MPPED1: variants seen among roughly 807,000 people sequenced by gnomAD.
MPPED1 encodes the protein metallophosphoesterase domain-containing protein 1.
In MPPED1, 16 loss-of-function variants were observed where a neutral mutation model predicts 36.2. The observed-to-expected ratio is 0.44, with a 90% CI of 0.30 to 0.67. The LOEUF is 0.67. MPPED1 is among the 30% of genes least tolerant of loss of function. The pLI is 0.10. For synonymous variants in MPPED1, 199 were observed against 191.3 expected, an observed-to-expected ratio of 1.04 and a Z score of -0.33; for missense variants, 307 against 453.4, an observed-to-expected ratio of 0.68 and a Z score of 2.93.
chr22:43,457,890 G>A (rs762635209), intron 3 of MPPED1, among the ~76,000 whole-genome samples: 1 of 152,196 alleles, frequency 6.6e-6, no homozygotes, highest in Non-Finnish European at 1.5e-5. Context: ...CTACAGTCAT[G>A]TGCTGTGTAA....
chr22:43,436,047 C>A (rs192679826), intron 3 of MPPED1, among the ~76,000 whole-genome samples: 29 of 152,324 alleles, frequency 1.9e-4, no homozygotes, highest in African/African-American at 6.7e-4. Flanking sequence ...AGCCCTTTCC[C>A]ATGCACTGCG....
rs1931047987 is a variant in MPPED1 at position 43,463,817 on chromosome 22, T to TTCTTTTTTTCTTTCTTTC, written c.407-10914_407-10913insTTTTCTTTCTTTCTCTTT. Among the ~76,000 whole-genome samples the TTCTTTTTTTCTTTCTTTC allele has an allele frequency of 7.7e-5, 6 of 77,870 alleles. No homozygotes were observed. In the Admixed American group the frequency reaches 8.0e-4, roughly 10 times the overall value. The allele number at this position is 77,870 out of a possible 152,430, so 51.1% of individuals were successfully genotyped here. ...ATTTTTCATTTTTTCTTTTCTTTCTTTCTTTCTTTCTTTCTTTCTTTCTTT... is the reference window on the plus strand; with the variant it reads ...ATTTTTCATTTTTTCTTTTCTTTCTTTCTTTTTTTCTTTCTTTCTCTTTCTTTCTTTCTTTCTTTCTTT... On this transcript the variant is annotated intron_variant, in intron 3 of 6. Transcript: ENST00000443721.
intron 3 of MPPED1, among the ~76,000 whole-genome samples, chr22:43,470,538 T>C (rs1191418184): frequency 6.6e-6 from 1 of 152,152 alleles, no homozygotes; most frequent in African/African-American, 2.4e-5. Context: ...TGCATCCATC[T>C]ATCCATGTGT....
rs148693592 is a variant in MPPED1 at position 43,439,989 on chromosome 22, C to T, written c.406+4774C>T. Among the ~76,000 whole-genome samples the T allele has an allele frequency of 9.0e-3, 1,375 of 152,368 alleles. 45 individuals are homozygous for T. In the South Asian group the frequency reaches 0.097, roughly 11 times the overall value. ...TGGTCTAGGCTCTGCTGGTGGCTCT[C>T]GCCTTGCGGCGGGGGCGTGTCTCCT... On this transcript the variant is annotated intron_variant, in intron 3 of 6. Coordinates refer to ENST00000443721, the MANE Select transcript of MPPED1 (RefSeq NM_001044370.2).
intron 4 of MPPED1, among the ~76,000 whole-genome samples, chr22:43,492,473 A>G (rs141389097): frequency 0.69 from 104,958 of 152,094 alleles, 37,548 homozygotes; most frequent in African/African-American, 0.9. Flanking sequence ...CCCAGAGGCC[A>G]TTCCTTAGCC....
At chr22:43,451,736 T>A (rs1930574933) in intron 3 of MPPED1, among the ~76,000 whole-genome samples, 1 of 152,228 alleles carries the variant, frequency 6.6e-6, no homozygotes, top group Non-Finnish European at 1.5e-5. Context: ...TCTGCAGAGG[T>A]TTCCCTCCTG....
At chr22:43,505,013 G>C (rs1029769414) in intron 6 of MPPED1, among the ~76,000 whole-genome samples, 5 of 152,004 alleles carry the variant, frequency 3.3e-5, no homozygotes, top group African/African-American at 1.2e-4. Context: ...AATGGTGGTG[G>C]AGGTAACAGT....
At chr22:43,441,929 C>T (rs1343307769) in intron 3 of MPPED1, among the ~76,000 whole-genome samples, 2 of 152,170 alleles carry the variant, frequency 1.3e-5, no homozygotes, top group Non-Finnish European at 2.9e-5. Context: ...CGCCTGCCGG[C>T]GGAATGGGCA....
intron 6 of MPPED1, 51 bp from the exon 7 acceptor site, chr22:43,505,447 C>T (rs1274807376): frequency 6.6e-7 from 1 of 1,523,142 alleles, no homozygotes; most frequent in African/African-American, 1.4e-5. Context: ...CCCCCCTGGC[C>T]ACCCTCACTA....
chr22:43,484,311 G>A (rs1226010307), intron 4 of MPPED1, among the ~76,000 whole-genome samples: 1 of 152,236 alleles, frequency 6.6e-6, no homozygotes, highest in African/African-American at 2.4e-5. Flanking sequence ...TTACAGATGG[G>A]TCAGGTAAGG....
intron 5 of MPPED1, among the ~76,000 whole-genome samples, chr22:43,499,659 G>C (rs1302493271): frequency 7.7e-6 from 1 of 130,094 alleles, no homozygotes. Context: ...GGTGATGGGG[G>C]TGGCGGTGAT....
intron 3 of MPPED1, among the ~76,000 whole-genome samples, chr22:43,462,997 C>T (rs1931007256): frequency 6.6e-6 from 1 of 152,156 alleles, no homozygotes; most frequent in South Asian, 2.1e-4. Flanking sequence ...TCTGTCCTGT[C>T]TTAACTAATA....
At chr22:43,445,880 ATTTTCTT>A (rs1254210372) in intron 3 of MPPED1, among the ~76,000 whole-genome samples, 29 of 125,802 alleles carry the variant, frequency 2.3e-4, no homozygotes, top group South Asian at 1.2e-3. Flanking sequence ...TGGTGTTTAC[ATTTTCTT>A]TTTTTTTTTT....
intron 2 of MPPED1, among the ~76,000 whole-genome samples, chr22:43,432,373 G>GAGAGAT: frequency 8.3e-6 from 1 of 121,106 alleles, no homozygotes; most frequent in African/African-American, 3.7e-5. Context: ...AAGGGAGAGA[G>GAGAGAT]AAAGGGAGGA....
chr22:43,500,034 A>G (rs1329719440), intron 5 of MPPED1, among the ~76,000 whole-genome samples: 4 of 5,924 alleles, frequency 6.8e-4, no homozygotes, highest in Non-Finnish European at 9.2e-4. Flanking sequence ...GGTGGTGGTG[A>G]GGGAGGTGGT....
chr22:43,498,590 C>T (rs1468567056), intron 5 of MPPED1, among the ~76,000 whole-genome samples: 1 of 152,124 alleles, frequency 6.6e-6, no homozygotes, highest in Non-Finnish European at 1.5e-5. Context: ...GCCAGAATCA[C>T]CTGCCCATTT....
intron 3 of MPPED1, among the ~76,000 whole-genome samples, chr22:43,449,430 C>T (rs1042551109): frequency 1.5e-5 from 2 of 136,884 alleles, no homozygotes; most frequent in Admixed American, 1.5e-4. Flanking sequence ...CAACCCCCCC[C>T]GCCCCCCCTC....
chr22:43,494,358 A>G (rs950335326), intron 4 of MPPED1, among the ~76,000 whole-genome samples: 2 of 152,010 alleles, frequency 1.3e-5, no homozygotes, highest in Non-Finnish European at 2.9e-5. Context: ...GTGGCTTCTG[A>G]TGGTTGCTGG....
intron 6 of MPPED1, among the ~76,000 whole-genome samples, chr22:43,504,899 ATGT>A (rs892164920): frequency 6.0e-5 from 9 of 150,372 alleles, no homozygotes; most frequent in Non-Finnish European, 8.9e-5. Context: ...AAGGGCGGTG[ATGT>A]TGTTCATGGT....
Sources: gnomAD v4.1 joint callset for allele counts (sites outside exome capture counted in the v4.1 genomes callset) on GRCh38, gnomAD v4.1.1 for gene constraint, MANE v1.5 for transcripts, NCBI Gene and HGNC (gene_info 2026-07-23, HGNC 2026-07-21) for gene names.